The following DEPDC1 variants were observed in gnomAD, a reference collection of about 807,000 sequenced individuals.
The protein encoded by DEPDC1 is DEP domain-containing protein 1A.
In DEPDC1, 66 loss-of-function variants were observed where a neutral mutation model predicts 86.8. That is an observed-to-expected ratio of 0.76 (90% CI 0.62 to 0.93). The LOEUF is 0.93. Among genes scored for constraint, DEPDC1 ranks in the 40% least tolerant of loss-of-function variants. The pLI is 0.00. For synonymous variants in DEPDC1, 255 were observed against 314.9 expected (o/e 0.81, Z 2.02); for missense variants, 792 against 935.7 (o/e 0.85, Z 2.00).
intron 7 of DEPDC1, among the ~76,000 whole-genome samples, chr1:68,483,717 GTTCTGTGAATCA>G (rs914050776): frequency 3.9e-5 from 6 of 152,114 alleles, no homozygotes; most frequent in Admixed American, 3.3e-4. Context: ...GCTTTTCTGA[GTTCTGTGAATCA>G]TTGTAGTGAA....
rs1571209098 is a variant in DEPDC1, at chr1:68,496,750, G to A, written c.48+202C>T. ...CGCTTCCTTTCGGACCTGAGGCCCA[G>A]ACCCTCAAAATAGAGGGAGCGGTGA... On this transcript the variant is annotated intron_variant, in intron 1 of 11. Transcript: ENST00000456315. This position sits in a 1 kb window ranked among gnomAD's most constrained non-coding sequence, Gnocchi z 4.0. 3.7e-6 allele frequency: 2 copies of A among 535,202 alleles called. No homozygotes were observed. Among genetic ancestry groups the A allele is most frequent in the East Asian group, 6.7e-5 (2 of 29,892 alleles). The allele number at this position is 535,202 out of a possible 1,614,324, so 33.2% of individuals were successfully genotyped here.
Position 68,489,473 on chromosome 1 carries a change from C to T in DEPDC1, c.450G>A (p.Arg150=). 6.6e-7 allele frequency: 1 copy of T among 1,512,050 alleles called. No individual in the cohort carries two copies. The highest frequency in any genetic ancestry group is 2.5e-5 in the East Asian group (1 of 39,254). 93.7% of individuals were successfully genotyped at this position (1,512,050 alleles called of 1,614,324 possible). A position where few individuals can be genotyped will look rare whatever the true frequency, so the allele number is the denominator to read the frequency against. The part of the protein sequence containing the change: ...LRNLSRRTPK[R]HGLHLSQENG... ...TTACCTGAGATAAATGTAATCCATG[C>T]CTTTTAGGAGTTCTACGAGATAAGT... Residue 150 remains arginine, a synonymous_variant, in exon 3 of 12, where the codon AGG becomes AGA. Coordinates refer to ENST00000456315, the MANE Select transcript of DEPDC1 (RefSeq NM_001114120.3).
chr1:68,487,652 T>C (rs1451106152), intron 5 of DEPDC1, among the ~76,000 whole-genome samples: 1 of 151,960 alleles, frequency 6.6e-6, no homozygotes, highest in Non-Finnish European at 1.5e-5. Flanking sequence ...CTTTTGCTCC[T>C]ACAATTAAAA....
At chr1:68,492,389 T>C (rs1646234597) in intron 2 of DEPDC1, among the ~76,000 whole-genome samples, 1 of 152,166 alleles carries the variant, frequency 6.6e-6, no homozygotes. Flanking sequence ...TTTTATGTAC[T>C]TTATAGTTTT....
intron 2 of DEPDC1, among the ~76,000 whole-genome samples, chr1:68,490,364 T>C (rs987625707): frequency 6.9e-6 from 1 of 145,880 alleles, no homozygotes; most frequent in African/African-American, 2.6e-5. Flanking sequence ...AGTGAGAGCA[T>C]GTGATATTCA....
chr1:68,488,929 C>T lies in DEPDC1; in HGVS notation c.577G>A (p.Val193Ile). 6.3e-7 allele frequency: 1 copy of T among 1,579,252 alleles called. No homozygotes were observed. The highest frequency in any genetic ancestry group is 8.7e-7 in the Non-Finnish European group (1 of 1,150,830). The change falls in exon 4 of 12, where the codon GTT becomes ATT. Residue 193 changes from valine (V) to isoleucine (I), a missense_variant. Coordinates refer to ENST00000456315, the MANE Select transcript of DEPDC1 (RefSeq NM_001114120.3). ...ATTTTATCTTACTAGATCAGAATAACATATCTCCAAACTTCTTCAACATCT... is the reference window on the plus strand; with the variant it reads ...ATTTTATCTTACTAGATCAGAATAATATATCTCCAAACTTCTTCAACATCT... Reference protein sequence around the residue: ...QEDVEEVWRYVILIYLQTILG... With the variant: ...QEDVEEVWRYIILIYLQTILG...
chr1:68,491,417 A>G (rs1294753535), intron 2 of DEPDC1, among the ~76,000 whole-genome samples: 1 of 152,218 alleles, frequency 6.6e-6, no homozygotes. Context: ...ATATGAAAAA[A>G]GTTCAATATT....
chr1:68,489,136 A>G (rs1646212845), intron 3 of DEPDC1, 102 bp from the exon 4 acceptor site: 3 of 746,024 alleles, frequency 4.0e-6, no homozygotes, highest in Non-Finnish European at 6.7e-6. Context: ...GGAGCTATAA[A>G]GTATCTCCCA....
intron 2 of DEPDC1, among the ~76,000 whole-genome samples, chr1:68,491,908 C>A (rs192573283): frequency 2.4e-4 from 36 of 151,692 alleles, no homozygotes; most frequent in African/African-American, 8.5e-4. Context: ...TGCCACCATG[C>A]CTGGCTAATT....
At chr1:68,480,675 T>C (rs1646149302) in intron 9 of DEPDC1, among the ~76,000 whole-genome samples, 1 of 152,158 alleles carries the variant, frequency 6.6e-6, no homozygotes. Flanking sequence ...TGAAAACATC[T>C]TCCTCTATAA....
Position 68,488,400 on chromosome 1 carries a change from C to T in DEPDC1, c.695G>A (p.Gly232Glu), listed in dbSNP as rs993090626. The change falls in exon 5 of 12, where the codon GGA becomes GAA. Residue 232 changes from glycine (G) to glutamate (E), a missense_variant. Physicochemically the swap from Gly to Glu is moderately conservative, Grantham distance 98. Coordinates refer to ENST00000456315, the MANE Select transcript of DEPDC1 (RefSeq NM_001114120.3). ...TGATTTGTTTTGTAGTATAACTACT[C>T]CACGTTTACTTGTATTGGCCATGTT... ...MYNMANTSKR[G>E]VVILQNKSDD... 1.3e-6 allele frequency: 2 copies of T among 1,592,528 alleles called. No homozygotes were observed. The highest frequency in any genetic ancestry group is 1.7e-6 in the Non-Finnish European group (2 of 1,173,536).
chr1:68,478,410 A>T (rs1202250627), intron 10 of DEPDC1, among the ~76,000 whole-genome samples: 1 of 151,176 alleles, frequency 6.6e-6, no homozygotes, highest in Non-Finnish European at 1.5e-5. Context: ...GATGATCAGC[A>T]TATTTACTGA....
At chr1:68,481,749 C>G (rs571907093) in intron 8 of DEPDC1, 137 bp from the exon 9 acceptor site, 88 of 736,546 alleles carry the variant, frequency 1.2e-4, no homozygotes, top group Non-Finnish European at 1.6e-4. Context: ...AAATTACGTT[C>G]CTCTAAAGCA....
chr1:68,480,886 A>G (rs1646150637), intron 9 of DEPDC1, among the ~76,000 whole-genome samples: 1 of 151,988 alleles, frequency 6.6e-6, no homozygotes, highest in Non-Finnish European at 1.5e-5. Flanking sequence ...GAGATTAAAG[A>G]TACTATTTCA....
In DEPDC1 at chr1:68,477,976, T is replaced by C; in HGVS notation, c.2113-4A>G. ...GTCCATCTCCAGGATTTTCAATCTG[T>C]AGTGATCAAAATGATATAACTCTGT... is the stretch of plus-strand genomic sequence containing the variant. On this transcript the variant is annotated splice_region_variant and splice_polypyrimidine_tract_variant and intron_variant, in intron 10 of 11. Coordinates refer to ENST00000456315, the MANE Select transcript of DEPDC1 (RefSeq NM_001114120.3). The C allele has an allele frequency of 2.6e-6, 4 of 1,522,628 alleles. No homozygotes were observed. The highest frequency in any genetic ancestry group is 3.5e-6 in the Non-Finnish European group (4 of 1,135,368). 94.3% of individuals were successfully genotyped at this position (1,522,628 alleles called of 1,614,324 possible).
chr1:68,482,952 TAAAAC>T, intron 7 of DEPDC1, 55 bp from the exon 8 acceptor site: 2 of 1,501,728 alleles, frequency 1.3e-6, no homozygotes, highest in Non-Finnish European at 1.8e-6. Context: ...TGGACAAAAA[TAAAAC>T]AAAAACAATA....
intron 9 of DEPDC1, among the ~76,000 whole-genome samples, chr1:68,481,206 G>A (rs1242100269): frequency 2.0e-5 from 3 of 151,984 alleles, no homozygotes; most frequent in African/African-American, 7.2e-5. Context: ...CAGGATGAAT[G>A]AGCAGGCAAA....
chr1:68,481,641 T>C, intron 8 of DEPDC1, 29 bp from the exon 9 acceptor site: 1 of 994,990 alleles, frequency 1.0e-6, no homozygotes. Context: ...CCCCCAAAAA[T>C]CATCAATGAC....
intron 2 of DEPDC1, among the ~76,000 whole-genome samples, chr1:68,492,404 C>T (rs114331095): frequency 2.3e-3 from 353 of 152,014 alleles, no homozygotes; most frequent in African/African-American, 8.0e-3. Context: ...AGTTTTGTTA[C>T]GATCGTAAAA....
Sources: allele counts gnomAD v4.1 joint callset (sites outside exome capture counted in the v4.1 genomes callset), GRCh38; gene constraint gnomAD v4.1.1; non-coding constraint Gnocchi (gnomAD v3.1); transcripts MANE v1.5; gene names NCBI Gene and HGNC (gene_info 2026-07-23, HGNC 2026-07-21).